Variants in EFCAB13 observed in about 807,000 individuals in gnomAD.
EFCAB13 encodes the protein EF-hand calcium-binding domain-containing protein 13.
In EFCAB13, 91 loss-of-function variants were observed where a neutral mutation model predicts 110.2. The ratio of observed to expected loss-of-function variants is 0.83; its 90% CI spans 0.70 to 0.98. The LOEUF is 0.98. Among genes scored for constraint, EFCAB13 ranks in the 50% least tolerant of loss-of-function variants. EFCAB13 has a pLI of 0.00. For synonymous variants in EFCAB13, 323 were observed against 369.9 expected, an observed-to-expected ratio of 0.87 and a Z score of 1.45; for missense variants, 968 against 1,119.4, an observed-to-expected ratio of 0.86 and a Z score of 1.93.
intron 14 of EFCAB13, among the ~76,000 whole-genome samples, chr17:47,382,085 T>G (rs1268712333): frequency 1.3e-5 from 2 of 152,290 alleles, no homozygotes; most frequent in Non-Finnish European, 2.9e-5. Context: ...CCTTGTAAGT[T>G]GTATTCCTAG....
chr17:47,404,439 T>C (rs2065794957), intron 19 of EFCAB13, 123 bp from the exon 20 acceptor site: 1 of 707,678 alleles, frequency 1.4e-6, no homozygotes, highest in Non-Finnish European at 2.3e-6. Flanking sequence ...AAAATGAATC[T>C]AAAAGTACCT....
chr17:47,325,319 A>AC (rs1356168533), intron 2 of EFCAB13, among the ~76,000 whole-genome samples: 6 of 151,962 alleles, frequency 3.9e-5, no homozygotes, highest in Non-Finnish European at 7.4e-5. Context: ...GCCACCATGC[A>AC]CAGCCTGATT....
At position 47,351,298 on chromosome 17, in the gene EFCAB13, TGTGTGTGCGCGCGCGCGC is replaced by T. The variant is rs767117489; in HGVS notation, c.661+3349_661+3366del. 6.7e-4 allele frequency among the ~76,000 whole-genome samples: 87 copies of T among 130,432 alleles called. No homozygotes were observed. In the South Asian group the frequency reaches 7.5e-3, roughly 11 times the overall value. The allele number at this position is 130,432 out of a possible 152,430, so 85.6% of individuals were successfully genotyped here. A position where few individuals can be genotyped will look rare whatever the true frequency, so the allele number is the denominator to read the frequency against. On this transcript the variant is annotated intron_variant, in intron 9 of 24. Coordinates refer to ENST00000331493, the MANE Select transcript of EFCAB13 (RefSeq NM_152347.5). ...ATTCCACTGTGTGTGTGTGTGTGTG[TGTGTGTGCGCGCGCGCGC>T]GCGCGCGCGCGCCACGTTTTCTTTA...
rs1181036920 is a variant in EFCAB13 at position 47,412,801 on chromosome 17, A to C, written c.2307A>C (p.Ser769=). The C allele has an allele frequency of 6.2e-7, 1 of 1,613,554 alleles. No individual in the cohort carries two copies. The highest frequency in any genetic ancestry group is 8.5e-7 in the Non-Finnish European group (1 of 1,179,816). The change falls in exon 22 of 25, where the codon TCA becomes TCC. Residue 769 remains serine (S), a synonymous_variant. Coordinates refer to ENST00000331493, the MANE Select transcript of EFCAB13 (RefSeq NM_152347.5). The stretch of plus-strand genomic sequence containing the variant: ...TTAAAGAAGCTGCTAACATCTTGTC[A>C]CATGTCGATAATGGCAAGATTGGTA... ...NEIKEAANIL[S]HVDNGKIGIP... is the part of the protein sequence containing the mutation.
intron 8 of EFCAB13, among the ~76,000 whole-genome samples, chr17:47,345,544 C>T (rs2065410269): frequency 3.9e-5 from 6 of 152,058 alleles, no homozygotes; most frequent in Admixed American, 3.3e-4. Flanking sequence ...TTCCTTTTAC[C>T]TTAACTCTGG....
chr17:47,348,645 G>C (rs1232742723), intron 9 of EFCAB13, among the ~76,000 whole-genome samples: 5 of 151,980 alleles, frequency 3.3e-5, no homozygotes, highest in African/African-American at 9.6e-5. Context: ...TGTTCTAATA[G>C]ATATACGGTT....
In EFCAB13 at chr17:47,364,022, T is replaced by A. The variant is rs1285480112; in HGVS notation, c.805+2501T>A. 1.3e-5 allele frequency among the ~76,000 whole-genome samples: 2 copies of A among 152,214 alleles called. 1 individual carries two copies. Among genetic ancestry groups the A allele is most frequent in the African/African-American group, 4.8e-5 (2 of 41,458 alleles). ...ATATGAAACAGCTGCAGTACCTTGCTTTTTGGCTTATGGAGTTCTGGCCTG... is the reference window on the plus strand; with the variant it reads ...ATATGAAACAGCTGCAGTACCTTGCATTTTGGCTTATGGAGTTCTGGCCTG... On this transcript the variant is annotated intron_variant, in intron 10 of 24. Transcript: ENST00000331493.
rs573054238 is a variant in EFCAB13, at chr17:47,369,909, G to T, written c.806-528G>T. ...AGGAATAATGGGAAGTTATAAGAGTGCTGGACACAGAGAAGGTACAAAGTA... is the reference window on the plus strand; with the variant it reads ...AGGAATAATGGGAAGTTATAAGAGTTCTGGACACAGAGAAGGTACAAAGTA... On this transcript the variant is annotated intron_variant, in intron 10 of 24. Coordinates refer to ENST00000331493, the MANE Select transcript of EFCAB13 (RefSeq NM_152347.5). The T allele has an allele frequency of 4.6e-4, 72 of 155,290 alleles. 1 individual carries two copies. Among genetic ancestry groups the T allele is most frequent in the African/African-American group, 1.7e-3 (72 of 41,584 alleles). The allele number at this position is 155,290 out of a possible 1,614,324, so 9.6% of individuals were successfully genotyped here.
At chr17:47,330,275 A>G (rs1468969547) in intron 4 of EFCAB13, among the ~76,000 whole-genome samples, 1 of 150,488 alleles carries the variant, frequency 6.6e-6, no homozygotes, top group African/African-American at 2.4e-5. Context: ...GTTTTTTGTT[A>G]TTTTATTTTT....
chr17:47,403,792 A>C, intron 18 of EFCAB13, 86 bp from the exon 19 acceptor site: 1 of 1,259,348 alleles, frequency 7.9e-7, no homozygotes, highest in Non-Finnish European at 1.1e-6. Flanking sequence ...AGTTCAGGAT[A>C]CAATAATAAA....
At chr17:47,327,726 AT>A (rs2065295047) in intron 3 of EFCAB13, among the ~76,000 whole-genome samples, 1 of 152,134 alleles carries the variant, frequency 6.6e-6, no homozygotes, top group African/African-American at 2.4e-5. Context: ...TAGTGCTGGG[AT>A]TACAGACGTG....
chr17:47,413,040 A>C (rs2065844415), intron 22 of EFCAB13, 124 bp downstream of exon 22: 1 of 972,428 alleles, frequency 1.0e-6, no homozygotes, highest in African/African-American at 1.6e-5. Flanking sequence ...GCTTAGGTTG[A>C]TACAAATTAG....
intron 10 of EFCAB13, among the ~76,000 whole-genome samples, chr17:47,366,393 G>A (rs2065546303): frequency 6.6e-6 from 1 of 151,108 alleles, no homozygotes; most frequent in Admixed American, 6.6e-5. Context: ...TGCAGTTTTT[G>A]CTAGAGGAGG....
intron 14 of EFCAB13, among the ~76,000 whole-genome samples, 179 bp downstream of exon 14, chr17:47,379,432 T>A (rs765136942): frequency 2.0e-5 from 3 of 152,198 alleles, no homozygotes; most frequent in Non-Finnish European, 4.4e-5. Context: ...GCTAACTTGT[T>A]TACCTCACAG....
At chr17:47,393,759 TA>T (rs2065722360) in intron 15 of EFCAB13, among the ~76,000 whole-genome samples, 1 of 148,038 alleles carries the variant, frequency 6.8e-6, no homozygotes, top group Non-Finnish European at 1.5e-5. Context: ...TAAATAAAAA[TA>T]AAAATAAATA....
At chr17:47,406,937 C>T (rs1178727041) in intron 20 of EFCAB13, among the ~76,000 whole-genome samples, 2 of 152,146 alleles carry the variant, frequency 1.3e-5, no homozygotes, top group Non-Finnish European at 2.9e-5. Context: ...CTGAGAGATG[C>T]CTTTTTAGGA....
chr17:47,335,430 G>T lies in EFCAB13; in HGVS notation c.191+74G>T. The T allele has an allele frequency of 2.4e-6, 3 of 1,265,318 alleles. No individual in the cohort carries two copies. In the South Asian group the frequency reaches 4.5e-5, roughly 19 times the overall value. The allele number at this position is 1,265,318 out of a possible 1,614,324, so 78.4% of individuals were successfully genotyped here. A position where few individuals can be genotyped will look rare whatever the true frequency, so the allele number is the denominator to read the frequency against. On this transcript the variant is annotated intron_variant, in intron 5 of 24. Transcript: ENST00000331493. ...TTAAGAATGCCAAAATGTAGCTGTG[G>T]CTTATGCGTTCTCATAATGTACCAT... is the stretch of plus-strand genomic sequence containing the variant.
chr17:47,402,027 T>A, intron 17 of EFCAB13, 105 bp from the exon 18 acceptor site: 1 of 802,228 alleles, frequency 1.2e-6, no homozygotes, highest in South Asian at 1.5e-5. Context: ...AAAGGAAATA[T>A]GATTCTTAGG....
intron 16 of EFCAB13, among the ~76,000 whole-genome samples, chr17:47,394,979 A>G (rs1048475575): frequency 1.3e-5 from 2 of 152,108 alleles, no homozygotes; most frequent in East Asian, 3.8e-4. Flanking sequence ...TGCTCAAAGC[A>G]TGTCTTCTTT....
Sources: gnomAD v4.1 joint callset for allele counts (sites outside exome capture counted in the v4.1 genomes callset) on GRCh38, gnomAD v4.1.1 for gene constraint, MANE v1.5 for transcripts, NCBI Gene and HGNC (gene_info 2026-07-23, HGNC 2026-07-21) for gene names.